The following CDK8 variants were observed in gnomAD, a reference collection of about 807,000 sequenced individuals.
The protein encoded by CDK8 is cyclin-dependent kinase 8.
Under a neutral mutation model 71.5 loss-of-function variants are expected in CDK8, and 29 were observed. The observed-to-expected ratio is 0.41, with a 90% CI of 0.30 to 0.55. CDK8 has a LOEUF of 0.55. Ranked by LOEUF, CDK8 falls within the 20% of genes least tolerant of loss-of-function variation. CDK8 has a pLI of 0.37. For missense variants in CDK8, 288 were observed against 572.6 expected, an observed-to-expected ratio of 0.50 and a Z score of 5.07; for synonymous variants, 161 against 192.1, an observed-to-expected ratio of 0.84 and a Z score of 1.34.
chr13:26,355,044 G>T (rs1339035190), intron 4 of CDK8, among the ~76,000 whole-genome samples: 3 of 152,166 alleles, frequency 2.0e-5, no homozygotes, highest in East Asian at 1.9e-4. Context: ...TGTAGGCTAT[G>T]AGGCGGAGCC....
intron 4 of CDK8, among the ~76,000 whole-genome samples, chr13:26,355,221 A>G (rs1380434378): frequency 1.3e-5 from 2 of 152,228 alleles, no homozygotes; most frequent in Non-Finnish European, 2.9e-5. Flanking sequence ...TCATACCTAC[A>G]AAGCATTTAG....
chr13:26,400,621 C>A, intron 10 of CDK8, 71 bp downstream of exon 10: 3 of 906,512 alleles, frequency 3.3e-6, no homozygotes, highest in Non-Finnish European at 5.5e-6. Flanking sequence ...TGCTTGTCAG[C>A]TCTTAAGTTG....
At chr13:26,345,054 G>C (rs1290877918) in intron 2 of CDK8, among the ~76,000 whole-genome samples, 1 of 152,150 alleles carries the variant, frequency 6.6e-6, no homozygotes, top group East Asian at 1.9e-4. Flanking sequence ...ACACACACGA[G>C]TAATGCACGT....
At chr13:26,270,116 G>A (rs577267823) in intron 1 of CDK8, among the ~76,000 whole-genome samples, 4 of 151,988 alleles carry the variant, frequency 2.6e-5, no homozygotes, top group Non-Finnish European at 5.9e-5. Context: ...TTAGCTAGGT[G>A]TGGTGGCTCA....
At chr13:26,286,978 C>T (rs866594124) in intron 1 of CDK8, among the ~76,000 whole-genome samples, 1 of 151,972 alleles carries the variant, frequency 6.6e-6, no homozygotes, top group African/African-American at 2.4e-5. Flanking sequence ...GAAGAATGGC[C>T]GTAATTTAAA....
chr13:26,323,941 T>C (rs1168055042), intron 1 of CDK8, among the ~76,000 whole-genome samples: 1 of 152,126 alleles, frequency 6.6e-6, no homozygotes, highest in Non-Finnish European at 1.5e-5. Flanking sequence ...GAAATACACA[T>C]GCTGTACTTA....
intron 1 of CDK8, among the ~76,000 whole-genome samples, chr13:26,273,207 G>C (rs1469392905): frequency 6.6e-6 from 1 of 152,054 alleles, no homozygotes; most frequent in Non-Finnish European, 1.5e-5. Flanking sequence ...AAATCAGTTG[G>C]CCATAAATAT....
intron 7 of CDK8, among the ~76,000 whole-genome samples, chr13:26,394,996 A>G (rs1875916048): frequency 6.6e-6 from 1 of 152,238 alleles, no homozygotes; most frequent in Non-Finnish European, 1.5e-5. Context: ...GCAAGGGAAA[A>G]CTAAAGATTA....
At position 26,289,643 on chromosome 13, in the gene CDK8, C is replaced by T. The variant is rs1415962989; in HGVS notation, c.128+34874C>T. Among the ~76,000 whole-genome samples the T allele has an allele frequency of 5.9e-5, 9 of 152,168 alleles. 1 individual carries two copies. The East Asian group carries it at 1.6e-3, about 26-fold the overall frequency. On this transcript the variant is annotated intron_variant, in intron 1 of 12. Transcript: ENST00000381527. The stretch of plus-strand genomic sequence containing the variant: ...TCGGCTCACTGCAAGCTCCGCCTCC[C>T]GGGTTCACGCCATTCTCCTGCCTCA...
chr13:26,392,932 G>T (rs938925376), intron 6 of CDK8, among the ~76,000 whole-genome samples: 2 of 152,098 alleles, frequency 1.3e-5, no homozygotes, highest in African/African-American at 2.4e-5. Flanking sequence ...TTAGGCGAGT[G>T]CCCAATTTCA....
chr13:26,388,110 A>G (rs1353440402), intron 6 of CDK8, among the ~76,000 whole-genome samples: 2 of 152,174 alleles, frequency 1.3e-5, no homozygotes, highest in Middle Eastern at 3.2e-3. Context: ...AAAAGGAGCA[A>G]TGTTTGTGAT....
In CDK8 at chr13:26,297,007, C is replaced by T. The variant is rs187189173; in HGVS notation, c.129-40560C>T. Among the ~76,000 whole-genome samples the T allele has an allele frequency of 6.6e-5, 10 of 152,184 alleles. No homozygotes were observed. In the East Asian group the frequency reaches 7.7e-4, roughly 12 times the overall value. Reference sequence around the variant, plus strand: ...GGACCTCTAGTCCTCTTCTAAGATCCGTTAGTAATGTTTCATTGGAGATAA... The same window carrying T: ...GGACCTCTAGTCCTCTTCTAAGATCTGTTAGTAATGTTTCATTGGAGATAA... On this transcript the variant is annotated intron_variant, in intron 1 of 12. Transcript: ENST00000381527.
intron 2 of CDK8, among the ~76,000 whole-genome samples, chr13:26,346,564 G>A (rs147707576): frequency 2.0e-5 from 3 of 152,266 alleles, no homozygotes; most frequent in South Asian, 2.1e-4. Flanking sequence ...ACCTTAGCAC[G>A]AGCTTTGGCT....
At chr13:26,298,454 C>T (rs955605878) in intron 1 of CDK8, among the ~76,000 whole-genome samples, 17 of 152,024 alleles carry the variant, frequency 1.1e-4, no homozygotes, top group African/African-American at 3.9e-4. Context: ...GTGAAACTTC[C>T]GAGTAAGTGG....
chr13:26,299,857 A>C (rs946730782), intron 1 of CDK8, among the ~76,000 whole-genome samples: 24 of 152,186 alleles, frequency 1.6e-4, no homozygotes, highest in Admixed American at 1.3e-4. Flanking sequence ...CTTTTCTGTA[A>C]AGGGCCAGAT....
chr13:26,352,132 A>T (rs1252401733), intron 3 of CDK8, among the ~76,000 whole-genome samples: 3 of 151,780 alleles, frequency 2.0e-5, no homozygotes, highest in Non-Finnish European at 2.9e-5. Flanking sequence ...TTTTCAAAAA[A>T]TTAACCTATT....
At position 26,349,108 on chromosome 13, in the gene CDK8, C is replaced by A; in HGVS notation, c.241C>A (p.Leu81Ile). The change falls in exon 3 of 13, where the codon CTT becomes ATT. Residue 81 changes from leucine (L) to isoleucine (I), a missense_variant. Leu to Ile is a conservative substitution (Grantham distance 5, BLOSUM62 2). This residue lies in a region of CDK8 where 95 missense variants were observed against 177.3 expected (regional missense o/e 0.54). Transcript: ENST00000381527. ...RELKHPNVIS[L>I]QKVFLSHADR... is the part of the protein sequence containing the mutation. ...GCTTAAGCATCCAAACGTCATTTCT[C>A]TTCAAAAGGTGTTTCTGTCTCATGC... The A allele has an allele frequency of 1.2e-6, 2 of 1,613,228 alleles. No individual in the cohort carries two copies. Among genetic ancestry groups the A allele is most frequent in the Non-Finnish European group, 1.7e-6 (2 of 1,179,360 alleles).
intron 1 of CDK8, among the ~76,000 whole-genome samples, chr13:26,295,733 T>C (rs1873525894): frequency 6.6e-6 from 1 of 152,184 alleles, no homozygotes; most frequent in African/African-American, 2.4e-5. Flanking sequence ...CATGTAAATA[T>C]AGATAGTATG....
At chr13:26,307,970 T>C (rs1023339088) in intron 1 of CDK8, among the ~76,000 whole-genome samples, 1 of 152,202 alleles carries the variant, frequency 6.6e-6, no homozygotes, top group African/African-American at 2.4e-5. Flanking sequence ...TATTTTCCTT[T>C]TGATGGATGT....
Sources: gnomAD v4.1 joint callset for allele counts (sites outside exome capture counted in the v4.1 genomes callset) on GRCh38, gnomAD v4.1.1 for gene constraint, gnomAD v4.1.1 regional missense constraint, MANE v1.5 for transcripts, NCBI Gene and HGNC (gene_info 2026-07-23, HGNC 2026-07-21) for gene names.